Variants in ARSB observed in about 807,000 individuals in gnomAD.
ARSB encodes the protein arylsulfatase B.
Under a neutral mutation model 50.9 loss-of-function variants are expected in ARSB, and 41 were observed. The ratio of observed to expected loss-of-function variants is 0.81; its 90% CI spans 0.63 to 1.04. The LOEUF is 1.04. Ranked by LOEUF, ARSB falls within the 50% of genes least tolerant of loss-of-function variation. ARSB has a pLI of 0.00. For missense variants in ARSB, 672 were observed against 693.3 expected (o/e 0.97, Z 0.35); for synonymous variants, 269 against 284.8 (o/e 0.94, Z 0.56).
At chr5:78,970,605 AAAG>A (rs1328813535) in intron 1 of ARSB, among the ~76,000 whole-genome samples, 1 of 152,166 alleles carries the variant, frequency 6.6e-6, no homozygotes, top group Non-Finnish European at 1.5e-5. Context: ...GAGGAAAAGT[AAAG>A]AAGGAGAGGG....
chr5:78,832,645 T>C (rs1160360892), intron 6 of ARSB, among the ~76,000 whole-genome samples: 2 of 151,710 alleles, frequency 1.3e-5, no homozygotes, highest in Non-Finnish European at 2.9e-5. Flanking sequence ...CCACAGAAAA[T>C]GTGTGTGTGA....
At chr5:78,901,000 C>G (rs978411396) in intron 4 of ARSB, among the ~76,000 whole-genome samples, 1 of 149,376 alleles carries the variant, frequency 6.7e-6, no homozygotes, top group Non-Finnish European at 1.5e-5. Flanking sequence ...GAGCCGAGAT[C>G]GCGCCACTGC....
At chr5:78,838,113 G>A (rs1017556105) in intron 6 of ARSB, among the ~76,000 whole-genome samples, 1 of 152,148 alleles carries the variant, frequency 6.6e-6, no homozygotes, top group Admixed American at 6.5e-5. Flanking sequence ...AGGAGATGCT[G>A]ACTTCCAGGA....
chr5:78,955,502 G>C lies in ARSB; in HGVS notation c.691C>G (p.Pro231Ala). ...TGGAGAGCAAGGTAGAGAAACAGAG[G>C]CTGGAAAGAAAGTTTGTGCAAACCA... ...ALITNHPPEKPLFLYLALQSV... is the reference protein window; with the variant it reads ...ALITNHPPEKALFLYLALQSV... The change falls in exon 4 of 8, where the codon CCT (proline) becomes GCT (alanine). Residue 231 changes from proline (P) to alanine (A), a missense_variant and splice_region_variant. Coordinates refer to ENST00000264914, the MANE Select transcript of ARSB (RefSeq NM_000046.5). The C allele has an allele frequency of 6.2e-7, 1 of 1,613,830 alleles. No homozygotes were observed. The highest frequency in any genetic ancestry group is 1.7e-5 in the Admixed American group (1 of 60,024).
chr5:78,868,583 A>T (rs1709688063), intron 5 of ARSB, among the ~76,000 whole-genome samples: 1 of 146,156 alleles, frequency 6.8e-6, no homozygotes, highest in Non-Finnish European at 1.5e-5. Context: ...GTGAAGGAGA[A>T]ATAAAATACT....
intron 3 of ARSB, among the ~76,000 whole-genome samples, chr5:78,958,345 G>GA (rs2112493768): frequency 6.6e-6 from 1 of 152,256 alleles, no homozygotes. Context: ...AGAGAAAGGA[G>GA]AAAGAGGGTA....
At chr5:78,939,077 T>G (rs1038973064) in intron 4 of ARSB, among the ~76,000 whole-genome samples, 2 of 152,214 alleles carry the variant, frequency 1.3e-5, no homozygotes, top group African/African-American at 4.8e-5. Context: ...TCTGATGCAC[T>G]ACTGCTATGT....
At chr5:78,928,011 A>G (rs1750130537) in intron 4 of ARSB, among the ~76,000 whole-genome samples, 1 of 152,234 alleles carries the variant, frequency 6.6e-6, no homozygotes, top group African/African-American at 2.4e-5. Context: ...TGCAGACTCC[A>G]TGGCCCAGAC....
chr5:78,965,768 T>C (rs757148863), intron 2 of ARSB, among the ~76,000 whole-genome samples: 9 of 152,218 alleles, frequency 5.9e-5, no homozygotes, highest in Non-Finnish European at 1.0e-4. Flanking sequence ...TTCCCTATAA[T>C]GAAAATTAAG....
intron 6 of ARSB, among the ~76,000 whole-genome samples, chr5:78,829,053 A>G (rs1468587910): frequency 6.6e-6 from 1 of 152,200 alleles, no homozygotes; most frequent in Non-Finnish European, 1.5e-5. Flanking sequence ...TGGGCCAAGG[A>G]ATGTAGGCAG....
At chr5:78,951,331 C>T (rs72762990) in intron 4 of ARSB, among the ~76,000 whole-genome samples, 44,220 of 151,876 alleles carry the variant, frequency 0.29, 7,259 homozygotes, top group Non-Finnish European at 0.37. Context: ...AAATACTATA[C>T]TATACTATAC....
At chr5:78,862,064 T>C (rs4703766) in intron 5 of ARSB, among the ~76,000 whole-genome samples, 1 of 152,088 alleles carries the variant, frequency 6.6e-6, no homozygotes, top group African/African-American at 2.4e-5. Context: ...ACAAGGGATG[T>C]GAAGGACCTC....
intron 4 of ARSB, among the ~76,000 whole-genome samples, chr5:78,905,876 T>G (rs1236986432): frequency 1.5e-5 from 2 of 137,568 alleles, no homozygotes; most frequent in Non-Finnish European, 3.0e-5. Context: ...CATGCACTTC[T>G]GCATAACTGA....
At position 78,940,896 on chromosome 5, in the gene ARSB, T is replaced by C. The variant is rs553088102; in HGVS notation, c.898+14399A>G. Among the ~76,000 whole-genome samples, 4 of 152,356 alleles carry C rather than the reference T, an allele frequency of 2.6e-5. No homozygotes were observed. The South Asian group carries it at 8.3e-4, about 32-fold the overall frequency. Reference sequence around the variant, plus strand: ...GGGCAGTATGGCCATTTTCACAATATTGATTCTTCCTACCCATGAGCATGG... The same window carrying C: ...GGGCAGTATGGCCATTTTCACAATACTGATTCTTCCTACCCATGAGCATGG... On this transcript the variant is annotated intron_variant, in intron 4 of 7. Transcript: ENST00000264914.
At chr5:78,928,596 G>T (rs936357983) in intron 4 of ARSB, among the ~76,000 whole-genome samples, 3 of 152,140 alleles carry the variant, frequency 2.0e-5, no homozygotes, top group Non-Finnish European at 2.9e-5. Flanking sequence ...GATTACAGGC[G>T]TGAGCCGCCA....
chr5:78,799,439 G>A (rs1177292456), intron 6 of ARSB, among the ~76,000 whole-genome samples: 1 of 152,160 alleles, frequency 6.6e-6, no homozygotes. Flanking sequence ...TGACTCACTT[G>A]AGGGGCAGGA....
At position 78,839,369 on chromosome 5, in the gene ARSB, C is replaced by T. The variant is rs1258555683; in HGVS notation, c.1200G>A (p.Val400=). The T allele has an allele frequency of 6.2e-7, 1 of 1,613,688 alleles. No individual in the cohort carries two copies. Among genetic ancestry groups the T allele is most frequent in the Non-Finnish European group, 8.5e-7 (1 of 1,179,802 alleles). Residue 400 remains valine (V), a synonymous_variant, in exon 6 of 8, where the codon GTG becomes GTA. Coordinates refer to ENST00000264914, the MANE Select transcript of ARSB (RefSeq NM_000046.5). The part of the protein sequence containing the change: ...ELLHNIDPNF[V]DSSPCPRNSM... Reference sequence around the variant, plus strand: ...ACTGGTACTCACACGGTGAAGAGTCCACGAAGTTCGGGTCAATATTATGCA... The same window carrying T: ...ACTGGTACTCACACGGTGAAGAGTCTACGAAGTTCGGGTCAATATTATGCA...
chr5:78,922,422 A>G (rs575400057), intron 4 of ARSB, among the ~76,000 whole-genome samples: 4 of 151,894 alleles, frequency 2.6e-5, no homozygotes, highest in African/African-American at 9.7e-5. Flanking sequence ...TACCTCCTGG[A>G]GGACATGTCT....
intron 6 of ARSB, among the ~76,000 whole-genome samples, chr5:78,796,879 C>CTTTTTTTT (rs1342063568): frequency 4.4e-4 from 56 of 126,354 alleles, no homozygotes; most frequent in Non-Finnish European, 7.6e-4. Context: ...GTCTCGATCT[C>CTTTTTTTT]TTTTTTTTTT....
Sources: gnomAD v4.1 joint callset for allele counts (sites outside exome capture counted in the v4.1 genomes callset) on GRCh38, gnomAD v4.1.1 for gene constraint, MANE v1.5 for transcripts, NCBI Gene and HGNC (gene_info 2026-07-23, HGNC 2026-07-21) for gene names.